SPOCK1: variants seen among roughly 807,000 people sequenced by gnomAD.
The protein encoded by SPOCK1 is SPARC (osteonectin), cwcv and kazal like domains proteoglycan 1.
In SPOCK1, 23 loss-of-function variants were observed where a neutral mutation model predicts 55.3. The ratio of observed to expected loss-of-function variants is 0.42; its 90% CI spans 0.30 to 0.59. The LOEUF is 0.59. SPOCK1 is among the 20% of genes least tolerant of loss of function. The pLI, the probability that SPOCK1 is intolerant of heterozygous loss-of-function variation, is 0.22. For missense variants in SPOCK1, 499 were observed against 552.5 expected (o/e 0.90, Z 0.97); for synonymous variants, 226 against 221.0 (o/e 1.02, Z -0.20).
intron 2 of SPOCK1, among the ~76,000 whole-genome samples, chr5:137,472,583 C>T (rs1753758415): frequency 6.6e-6 from 1 of 152,150 alleles, no homozygotes; most frequent in Non-Finnish European, 1.5e-5. Context: ...TGTATATGCC[C>T]TTGGACCAAA....
At chr5:137,218,680 T>C (rs959339954) in intron 3 of SPOCK1, among the ~76,000 whole-genome samples, 5 of 152,202 alleles carry the variant, frequency 3.3e-5, no homozygotes, top group African/African-American at 7.2e-5. Context: ...GCCACTGGTC[T>C]CATTCCTGAG....
At chr5:137,023,960 A>ATTTTTTTTTTTTTTTT (rs34202986) in intron 6 of SPOCK1, among the ~76,000 whole-genome samples, 1 of 129,908 alleles carries the variant, frequency 7.7e-6, no homozygotes, top group Non-Finnish European at 1.6e-5. Flanking sequence ...TCAATATAGT[A>ATTTTTTTTTTTTTTTT]TTTTTTTTTT....
intron 6 of SPOCK1, among the ~76,000 whole-genome samples, chr5:137,037,142 A>G (rs888660111): frequency 6.6e-6 from 1 of 151,932 alleles, no homozygotes; most frequent in African/African-American, 2.4e-5. Flanking sequence ...CTTCTCCCCT[A>G]CTTAGGAAGA....
chr5:137,196,119 T>C (rs947485354), intron 3 of SPOCK1, among the ~76,000 whole-genome samples: 12 of 152,262 alleles, frequency 7.9e-5, no homozygotes, highest in African/African-American at 2.2e-4. Flanking sequence ...CATTACCTCA[T>C]AGATCATTGC....
At chr5:137,409,575 A>T (rs1752168591) in intron 2 of SPOCK1, among the ~76,000 whole-genome samples, 1 of 152,230 alleles carries the variant, frequency 6.6e-6, no homozygotes, top group Admixed American at 6.5e-5. Context: ...GTTGCCCATA[A>T]GGATTAAATA....
chr5:137,027,464 T>C (rs376999557), intron 6 of SPOCK1, among the ~76,000 whole-genome samples: 19 of 152,314 alleles, frequency 1.2e-4, no homozygotes, highest in African/African-American at 2.9e-4. Flanking sequence ...TTGGTGATGA[T>C]AGAAATGCCC....
chr5:137,102,898 T>G (rs993918380), intron 5 of SPOCK1, among the ~76,000 whole-genome samples: 1 of 152,234 alleles, frequency 6.6e-6, no homozygotes, highest in African/African-American at 2.4e-5. Context: ...AATTACTGTT[T>G]TTCTGTCGTT....
chr5:137,334,847 G>A (rs1413073254), intron 2 of SPOCK1, among the ~76,000 whole-genome samples: 1 of 132,142 alleles, frequency 7.6e-6, no homozygotes, highest in Admixed American at 7.1e-5. Context: ...CCAATGCAAT[G>A]AAAACAGGTG....
chr5:137,157,213 A>G (rs1205566826), intron 3 of SPOCK1, among the ~76,000 whole-genome samples: 4 of 152,188 alleles, frequency 2.6e-5, no homozygotes, highest in African/African-American at 9.7e-5. Flanking sequence ...ATAAACAACC[A>G]CACTGCTCAA....
At chr5:137,109,400 G>C (rs376633807) in intron 5 of SPOCK1, among the ~76,000 whole-genome samples, 1 of 152,058 alleles carries the variant, frequency 6.6e-6, no homozygotes, top group South Asian at 2.1e-4. Context: ...TGAGTTATGC[G>C]GACTGGAATC....
At chr5:137,392,858 C>A (rs1751756003) in intron 2 of SPOCK1, among the ~76,000 whole-genome samples, 1 of 152,130 alleles carries the variant, frequency 6.6e-6, no homozygotes, top group African/African-American at 2.4e-5. Flanking sequence ...CTCTATTCAC[C>A]CAAATGTGTG....
At chr5:137,106,619 G>T (rs971398563) in intron 5 of SPOCK1, among the ~76,000 whole-genome samples, 1 of 151,978 alleles carries the variant, frequency 6.6e-6, no homozygotes. Context: ...ATCCATCCCT[G>T]CACCCTCTCT....
At chr5:137,230,798 C>T (rs893189425) in intron 3 of SPOCK1, among the ~76,000 whole-genome samples, 2 of 152,118 alleles carry the variant, frequency 1.3e-5, no homozygotes, top group East Asian at 3.9e-4. Context: ...AATCCAGAGA[C>T]ATTCCATTTT....
At chr5:137,182,344 G>T (rs149745199) in intron 3 of SPOCK1, among the ~76,000 whole-genome samples, 1 of 152,100 alleles carries the variant, frequency 6.6e-6, no homozygotes, top group African/African-American at 2.4e-5. Flanking sequence ...CCTTCCCCAG[G>T]CTGAATCTTA....
intron 3 of SPOCK1, among the ~76,000 whole-genome samples, chr5:137,173,595 G>A (rs1754795603): frequency 6.6e-6 from 1 of 152,112 alleles, no homozygotes; most frequent in Non-Finnish European, 1.5e-5. Flanking sequence ...ACCAAGCTGT[G>A]GACTAGAATG....
intron 2 of SPOCK1, among the ~76,000 whole-genome samples, chr5:137,319,881 C>T (rs1757949516): frequency 6.9e-6 from 1 of 144,948 alleles, no homozygotes; most frequent in Admixed American, 7.1e-5. Flanking sequence ...GGAAGCGGAG[C>T]TTGCAGTGAG....
chr5:137,062,963 G>A lies in SPOCK1; in HGVS notation c.589+4752C>T, dbSNP rs530357854. On this transcript the variant is annotated intron_variant, in intron 6 of 10. Coordinates refer to ENST00000394945, the MANE Select transcript of SPOCK1 (RefSeq NM_004598.4). ...GTAAGAAATATTCAGGGCCGGGCGCGGTGGCTCACGCCTGTAATCCCAGCA... is the reference window on the plus strand; with the variant it reads ...GTAAGAAATATTCAGGGCCGGGCGCAGTGGCTCACGCCTGTAATCCCAGCA... Among the ~76,000 whole-genome samples the A allele has an allele frequency of 3.9e-5, 6 of 152,160 alleles. No individual in the cohort carries two copies. In the East Asian group the frequency reaches 5.8e-4, roughly 15 times the overall value.
At chr5:137,001,464 G>A (rs1358300138) in intron 6 of SPOCK1, among the ~76,000 whole-genome samples, 4 of 152,170 alleles carry the variant, frequency 2.6e-5, no homozygotes, top group African/African-American at 9.7e-5. Context: ...CGGCAAAACT[G>A]AATTCAAGCC....
intron 3 of SPOCK1, among the ~76,000 whole-genome samples, chr5:137,160,587 A>T (rs1464439718): frequency 0.012 from 720 of 61,914 alleles, 36 homozygotes; most frequent in African/African-American, 0.034. Flanking sequence ...AATATATATA[A>T]TATATAATAT....
Sources: gnomAD v4.1 joint callset for allele counts (sites outside exome capture counted in the v4.1 genomes callset) on GRCh38, gnomAD v4.1.1 for gene constraint, MANE v1.5 for transcripts, NCBI Gene and HGNC (gene_info 2026-07-23, HGNC 2026-07-21) for gene names.